Variants in SH2B2 observed in about 807,000 individuals in gnomAD.
The protein encoded by SH2B2 is SH2B adapter protein 2.
Under a neutral mutation model 35.7 loss-of-function variants are expected in SH2B2, and 37 were observed. The ratio of observed to expected loss-of-function variants is 1.04; its 90% CI spans 0.80 to 1.36. The LOEUF (loss-of-function observed/expected upper bound fraction) is 1.36, where lower values mean the gene tolerates loss of function less well. Ranked by LOEUF, SH2B2 falls within the 40% of genes most tolerant of loss-of-function variation. SH2B2 has a pLI of 0.00. For synonymous variants in SH2B2, 383 were observed against 376.4 expected (o/e 1.02, Z -0.20); for missense variants, 852 against 817.7 (o/e 1.04, Z -0.51).
At chr7:102,299,941 G>T (rs1212738684) in intron 1 of SH2B2, among the ~76,000 whole-genome samples, 1 of 152,108 alleles carries the variant, frequency 6.6e-6, no homozygotes, top group Non-Finnish European at 1.5e-5. Flanking sequence ...CTTATTTTTT[G>T]CAGTCTCCCT....
At chr7:102,306,852 C>T (rs782786116) in intron 3 of SH2B2, 30 bp downstream of exon 3, 2 of 1,512,522 alleles carry the variant, frequency 1.3e-6, no homozygotes, top group Non-Finnish European at 1.8e-6. Context: ...CTCAGAGATC[C>T]TCCAGCTGCC....
intron 8 of SH2B2, among the ~76,000 whole-genome samples, chr7:102,320,778 G>A (rs1223369395): frequency 1.3e-5 from 2 of 152,122 alleles, no homozygotes; most frequent in Non-Finnish European, 2.9e-5. Context: ...TGGGGGTGGG[G>A]ACAGGGGTGT....
At chr7:102,289,108 C>T (rs1792572196) in intron 1 of SH2B2, among the ~76,000 whole-genome samples, 1 of 152,208 alleles carries the variant, frequency 6.6e-6, no homozygotes, top group Non-Finnish European at 1.5e-5. Context: ...CCCCTCAACA[C>T]GAGGTCACAG....
In SH2B2 at chr7:102,301,193, T is replaced by C; in HGVS notation, c.643T>C (p.Ser215Pro). 6.3e-7 allele frequency: 1 copy of C among 1,588,340 alleles called. No individual in the cohort carries two copies. Among genetic ancestry groups the C allele is most frequent in the South Asian group, 1.1e-5 (1 of 88,116 alleles). The change falls in exon 2 of 9, where the codon TCG becomes CCG. Residue 215 changes from serine (S) to proline (P), a missense_variant. Around this residue, in one of 3 missense-constraint regions of SH2B2, gnomAD observed 556 missense variants for 514.5 expected, o/e 1.08. Coordinates refer to ENST00000444095, the MANE Select transcript of SH2B2 (RefSeq NM_001359228.2). ...CGACGCGGCCGCGGGCTCCGGGGGC[T>C]CGGCTCAGTGGCAGAAGTGCCGCCT... ...ADDAAAGSGG[S>P]AQWQKCRLLL...
intron 4 of SH2B2, among the ~76,000 whole-genome samples, chr7:102,311,182 T>C (rs1793606292): frequency 6.6e-6 from 1 of 152,052 alleles, no homozygotes; most frequent in East Asian, 1.9e-4. Flanking sequence ...CTCGACCTCC[T>C]GGGCTCGACT....
At position 102,308,889 on chromosome 7, in the gene SH2B2, G is replaced by C. The variant is rs782443343; in HGVS notation, c.906G>C (p.Gln302His). 6 of 1,613,506 alleles carry C rather than the reference G, an allele frequency of 3.7e-6. No individual in the cohort carries two copies. The South Asian group carries it at 6.6e-5, about 18-fold the overall frequency. The change falls in exon 4 of 9, where the codon CAG becomes CAC. Residue 302 changes from glutamine to histidine, a missense_variant. By Grantham distance (24) the Gln-to-His change is conservative (BLOSUM62 0). This residue lies in a region of SH2B2 where 556 missense variants were observed against 514.5 expected (regional missense o/e 1.08). Transcript: ENST00000444095. ...AGCACTCGTGGGTAGCTGACATCCA[G>C]GGCTGCGTGGACCCCGGGTGAGTGT... ...LQKHSWVADI[Q>H]GCVDPGDSEE...
chr7:102,302,221 C>G (rs1554554079), intron 2 of SH2B2, among the ~76,000 whole-genome samples: 1 of 152,210 alleles, frequency 6.6e-6, no homozygotes, highest in Non-Finnish European at 1.5e-5. Flanking sequence ...TCCTGCAGCC[C>G]AAGGGTGCCT....
At chr7:102,285,291 C>T (rs1554550673), upstream of SH2B2, 6 of 1,475,146 alleles carry the variant, frequency 4.1e-6, no homozygotes, top group African/African-American at 2.8e-5. Flanking sequence ...TCTCCCCTCT[C>T]CCAGGAGGGT....
chr7:102,311,260 T>C (rs1180965566), intron 4 of SH2B2, among the ~76,000 whole-genome samples: 2 of 150,656 alleles, frequency 1.3e-5, no homozygotes, highest in East Asian at 3.9e-4. Context: ...TGGCTTAATT[T>C]TTTTTTTTTT....
upstream of SH2B2, among the ~76,000 whole-genome samples, chr7:102,286,691 G>C (rs1554550875): frequency 2.0e-5 from 3 of 149,278 alleles, no homozygotes; most frequent in South Asian, 4.2e-4. Context: ...GAGCCAGCAA[G>C]CACCGGCCAC....
Position 102,297,503 on chromosome 7 carries a change from C to T in SH2B2, c.-29-3019C>T, listed in dbSNP as rs1226139742. On this transcript the variant is annotated intron_variant, in intron 1 of 8. Transcript: ENST00000444095. This position sits in a 1 kb window ranked among gnomAD's most constrained non-coding sequence, Gnocchi z 4.3. ...GTTCTTGGGACATATACCCCTTGAA[C>T]GAGAGGGAACTACCATATTTGATCC... Among the ~76,000 whole-genome samples, 2 of 151,958 alleles carry T rather than the reference C, an allele frequency of 1.3e-5. No homozygotes were observed. Among genetic ancestry groups the T allele is most frequent in the Middle Eastern group, 3.4e-3 (1 of 294 alleles).
At chr7:102,291,287 C>T (rs984846684) in intron 1 of SH2B2, among the ~76,000 whole-genome samples, 9 of 152,156 alleles carry the variant, frequency 5.9e-5, no homozygotes, top group East Asian at 3.8e-4. Context: ...CCTCCCGTGG[C>T]GGTGGCAAAG....
At chr7:102,295,886 C>T (rs1359786844) in intron 1 of SH2B2, among the ~76,000 whole-genome samples, 1 of 152,122 alleles carries the variant, frequency 6.6e-6, no homozygotes, top group Non-Finnish European at 1.5e-5. Flanking sequence ...GAACTCTAAC[C>T]ACCACCACCA....
At chr7:102,285,917 C>T (rs1792428526), upstream of SH2B2, among the ~76,000 whole-genome samples, 2 of 152,226 alleles carry the variant, frequency 1.3e-5, no homozygotes, top group Non-Finnish European at 2.9e-5. Flanking sequence ...CCTCCCTCCC[C>T]TCTCAGACCC....
At chr7:102,306,879 T>G in intron 3 of SH2B2, 57 bp downstream of exon 3, 1 of 1,349,392 alleles carries the variant, frequency 7.4e-7, no homozygotes. Context: ...CACCTTCCCT[T>G]TAGGTGCTAC....
At chr7:102,309,027 C>T (rs147837958) in intron 4 of SH2B2, 121 bp downstream of exon 4, 7 of 817,706 alleles carry the variant, frequency 8.6e-6, no homozygotes, top group Admixed American at 6.9e-5. Flanking sequence ...CAATTCAATG[C>T]GATTCAGGTT....
upstream of SH2B2, chr7:102,286,795 G>GCGGGGC (rs1792467903): frequency 7.4e-6 from 1 of 134,284 alleles, no homozygotes; most frequent in Non-Finnish European, 1.6e-5. Flanking sequence ...GCGAGGGGGG[G>GCGGGGC]CGGGGCCGGG....
chr7:102,319,606 C>A lies in SH2B2; in HGVS notation c.1396-725C>A, dbSNP rs897266044. Among the ~76,000 whole-genome samples, 3 of 152,010 alleles carry A rather than the reference C, an allele frequency of 2.0e-5. No homozygotes were observed. In the East Asian group the frequency reaches 5.8e-4, roughly 29 times the overall value. ...TCCTGGGCTTGGGGCTATGCGTGTA[C>A]CCTCAAACCACTCCTCTTAGCTCCC... is the stretch of plus-strand genomic sequence containing the variant. On this transcript the variant is annotated intron_variant, in intron 7 of 8. Coordinates refer to ENST00000444095, the MANE Select transcript of SH2B2 (RefSeq NM_001359228.2).
upstream of SH2B2, among the ~76,000 whole-genome samples, chr7:102,286,505 A>G (rs1407913652): frequency 6.6e-6 from 1 of 151,984 alleles, no homozygotes; most frequent in Non-Finnish European, 1.5e-5. Flanking sequence ...TCCCGGGGCC[A>G]CCACCACCGC....
Sources: gnomAD v4.1 joint callset for allele counts (sites outside exome capture counted in the v4.1 genomes callset) on GRCh38, gnomAD v4.1.1 for gene constraint, gnomAD v4.1.1 regional missense constraint, Gnocchi (gnomAD v3.1) non-coding constraint, MANE v1.5 for transcripts, NCBI Gene and HGNC (gene_info 2026-07-23, HGNC 2026-07-21) for gene names.